Variants in KIF26B observed in about 807,000 individuals in gnomAD.
KIF26B encodes kinesin family member 26B.
A neutral mutation model predicts 151.2 loss-of-function variants in KIF26B; 63 were observed. The observed-to-expected ratio is 0.42, with a 90% CI of 0.34 to 0.51. KIF26B has a LOEUF of 0.51. KIF26B is among the 20% of genes least tolerant of loss of function. KIF26B has a pLI of 0.07. For synonymous variants in KIF26B, 1,357 were observed against 1,262.1 expected (o/e 1.08, Z -1.59); for missense variants, 2,813 against 2,913.6 (o/e 0.97, Z 0.79).
rs943316842 is a variant in KIF26B at position 245,667,174 on chromosome 1, G to A, written c.2259-17059G>A. Among the ~76,000 whole-genome samples the A allele has an allele frequency of 6.6e-6, 1 of 152,080 alleles. No individual in the cohort carries two copies. The highest frequency in any genetic ancestry group is 1.5e-5 in the Non-Finnish European group (1 of 68,014). ...ACTCCTTCCAGCCCAAGGCAGCATC[G>A]TCTACTTTGGTTTTCTTTCTTTCTT... is the stretch of plus-strand genomic sequence containing the variant. On this transcript the variant is annotated intron_variant, in intron 10 of 14. Transcript: ENST00000407071. This position sits in a 1 kb window ranked among gnomAD's most constrained non-coding sequence, Gnocchi z 4.3.
intron 2 of KIF26B, among the ~76,000 whole-genome samples, chr1:245,158,869 T>G (rs12566539): frequency 0.043 from 6,221 of 144,496 alleles, 152 homozygotes; most frequent in Admixed American, 0.077. Context: ...TGTGTGTGTG[T>G]GGTGTGTGTT....
chr1:245,522,469 G>A (rs868006697), intron 4 of KIF26B, among the ~76,000 whole-genome samples: 62 of 152,256 alleles, frequency 4.1e-4, no homozygotes, highest in Middle Eastern at 6.8e-3. Flanking sequence ...CATCTGGCAT[G>A]GGGACACACT....
chr1:245,698,996 A>C lies in KIF26B; in HGVS notation c.6137A>C (p.Lys2046Thr). The C allele has an allele frequency of 6.2e-7, 1 of 1,614,034 alleles. No individual in the cohort carries two copies. Among genetic ancestry groups the C allele is most frequent in the Non-Finnish European group, 8.5e-7 (1 of 1,179,898 alleles). ...CTGATGAAGGAGCTGGAGGCGACCA[A>C]ACAGTATCTGATGCTGGATCCCAAC... ...EWLMKELEAT[K>T]QYLMLDPNKW... The change falls in exon 14 of 15, where the codon AAA (lysine) becomes ACA (threonine). Residue 2046 changes from lysine (K) to threonine (T), a missense_variant. By Grantham distance (78) the Lys-to-Thr change is moderately conservative (BLOSUM62 -1). This residue lies in a region of KIF26B where 2,060 missense variants were observed against 2,088.6 expected (regional missense o/e 0.99). Transcript: ENST00000407071. This position sits in a 1 kb window ranked among gnomAD's most constrained non-coding sequence, Gnocchi z 4.0.
At chr1:245,690,747 G>GT (rs1321728227) in intron 12 of KIF26B, among the ~76,000 whole-genome samples, 1 of 151,724 alleles carries the variant, frequency 6.6e-6, no homozygotes, top group Non-Finnish European at 1.5e-5. Context: ...GCCTGGGGGG[G>GT]GGGTATGCTT....
At position 245,687,685 on chromosome 1, in the gene KIF26B, T is replaced by A; in HGVS notation, c.4702T>A (p.Ser1568Thr). Residue 1568 changes from serine (S) to threonine (T), a missense_variant, in exon 12 of 15, where the codon TCG (serine) becomes ACG (threonine). Around this residue, in one of 3 missense-constraint regions of KIF26B, gnomAD observed 2,060 missense variants for 2,088.6 expected, o/e 0.99. Transcript: ENST00000407071. This position sits in a 1 kb window ranked among gnomAD's most constrained non-coding sequence, Gnocchi z 4.9. ...TGAGACCAACGGGGTGGGTGCAGCCTCGGGCACCCCGCCCTCCAAGGCTAC... is the reference window on the plus strand; with the variant it reads ...TGAGACCAACGGGGTGGGTGCAGCCACGGGCACCCCGCCCTCCAAGGCTAC... ...AAETNGVGAA[S>T]GTPPSKATLE... is the part of the protein sequence containing the mutation. 1 of 1,580,972 alleles carries A rather than the reference T, an allele frequency of 6.3e-7. No homozygotes were observed. Among genetic ancestry groups the A allele is most frequent in the Non-Finnish European group, 8.6e-7 (1 of 1,163,840 alleles).
At chr1:245,418,513 A>T (rs970175512) in intron 3 of KIF26B, among the ~76,000 whole-genome samples, 2 of 152,336 alleles carry the variant, frequency 1.3e-5, no homozygotes, top group Admixed American at 6.5e-5. Flanking sequence ...AAGGTTCACA[A>T]ATGGGCTACT....
chr1:245,165,483 T>A (rs1668600294), intron 2 of KIF26B, among the ~76,000 whole-genome samples: 1 of 152,146 alleles, frequency 6.6e-6, no homozygotes, highest in Non-Finnish European at 1.5e-5. Context: ...GGGCTCCTGT[T>A]GGCGCTCTAG....
chr1:245,622,942 C>A (rs2043680677), intron 9 of KIF26B, among the ~76,000 whole-genome samples: 1 of 151,380 alleles, frequency 6.6e-6, no homozygotes, highest in South Asian at 2.1e-4. Context: ...ATGGAGGCCG[C>A]AGGATGTAGT....
chr1:245,681,090 G>C (rs1216537957), intron 10 of KIF26B, among the ~76,000 whole-genome samples: 3 of 152,124 alleles, frequency 2.0e-5, no homozygotes, highest in African/African-American at 7.2e-5. Context: ...GTGCTCATGG[G>C]GGTCTAGTGT....
At chr1:245,177,125 T>A (rs1168978993) in intron 2 of KIF26B, among the ~76,000 whole-genome samples, 1 of 152,148 alleles carries the variant, frequency 6.6e-6, no homozygotes, top group Non-Finnish European at 1.5e-5. Flanking sequence ...TAGCTATTTT[T>A]TAAATTGCTT....
At chr1:245,638,616 C>T (rs1452402216) in intron 9 of KIF26B, among the ~76,000 whole-genome samples, 3 of 151,820 alleles carry the variant, frequency 2.0e-5, no homozygotes, top group African/African-American at 7.2e-5. Flanking sequence ...ATGACATAAG[C>T]TGTGAGTGTG....
chr1:245,511,391 G>C (rs1043666388), intron 4 of KIF26B, among the ~76,000 whole-genome samples: 10 of 152,082 alleles, frequency 6.6e-5, no homozygotes, highest in Admixed American at 6.5e-4. Flanking sequence ...GAATGAAATG[G>C]GTAATAAATG....
intron 2 of KIF26B, among the ~76,000 whole-genome samples, chr1:245,323,693 C>G (rs899209118): frequency 2.0e-5 from 3 of 152,200 alleles, no homozygotes; most frequent in Non-Finnish European, 4.4e-5. Flanking sequence ...AAAGGTACCA[C>G]CTGTTCATGT....
intron 9 of KIF26B, among the ~76,000 whole-genome samples, chr1:245,626,490 A>G (rs968045299): frequency 6.6e-6 from 1 of 151,634 alleles, no homozygotes; most frequent in East Asian, 1.9e-4. Context: ...ATCCCTGATG[A>G]TTAGGGACAT....
At chr1:245,356,314 G>C (rs1672699124) in intron 2 of KIF26B, among the ~76,000 whole-genome samples, 1 of 152,194 alleles carries the variant, frequency 6.6e-6, no homozygotes. Context: ...CCAGCACTTT[G>C]GGAGGCTGAG....
rs181190211 is a variant in KIF26B at position 245,366,929 on chromosome 1, C to T, written c.561C>T (p.Cys187=). 24 of 1,614,042 alleles carry T rather than the reference C, an allele frequency of 1.5e-5. No individual in the cohort carries two copies. The highest frequency in any genetic ancestry group is 2.2e-5 in the East Asian group (1 of 44,886). The change falls in exon 3 of 15, where the codon TGC becomes TGT. Residue 187 remains cysteine, a synonymous_variant. Coordinates refer to ENST00000407071, the MANE Select transcript of KIF26B (RefSeq NM_018012.4). ...WNDRDNRCDI[C]ATHLNQLKQE... The stretch of plus-strand genomic sequence containing the variant: ...ACCGGGACAACCGCTGTGACATTTG[C>T]GCCACTCACCTGAACCAGTTGAAGC...
intron 2 of KIF26B, among the ~76,000 whole-genome samples, chr1:245,354,320 G>A (rs911195743): frequency 3.3e-5 from 5 of 152,262 alleles, no homozygotes; most frequent in African/African-American, 7.2e-5. Flanking sequence ...GGCTTGAAGT[G>A]ATTTCATAGT....
intron 2 of KIF26B, among the ~76,000 whole-genome samples, chr1:245,288,123 A>T (rs935863722): frequency 6.6e-6 from 1 of 152,066 alleles, no homozygotes; most frequent in Non-Finnish European, 1.5e-5. Flanking sequence ...AGCGAGCATT[A>T]TTCCTGGAAG....
intron 5 of KIF26B, among the ~76,000 whole-genome samples, chr1:245,562,228 A>T (rs1211624391): frequency 1.3e-5 from 2 of 152,132 alleles, no homozygotes; most frequent in Non-Finnish European, 2.9e-5. Flanking sequence ...CAAATTAAAC[A>T]GCAGATTAGA....
Sources: gnomAD v4.1 joint callset for allele counts (sites outside exome capture counted in the v4.1 genomes callset) on GRCh38, gnomAD v4.1.1 for gene constraint, gnomAD v4.1.1 regional missense constraint, Gnocchi (gnomAD v3.1) non-coding constraint, MANE v1.5 for transcripts, NCBI Gene and HGNC (gene_info 2026-07-23, HGNC 2026-07-21) for gene names.